Variants in TRPM4 observed in about 807,000 individuals in gnomAD.
TRPM4 encodes the protein calcium-activated non-selective cation channel 1.
Under a neutral mutation model 135.6 loss-of-function variants are expected in TRPM4, and 124 were observed. That is an observed-to-expected ratio of 0.91 (90% CI 0.79 to 1.06). The LOEUF (loss-of-function observed/expected upper bound fraction) is 1.06. Among genes scored for constraint, TRPM4 ranks in the 50% least tolerant of loss-of-function variants. The probability of loss-of-function intolerance (pLI) is 0.00; values close to 1 mark genes in which losing one functional copy is unlikely to be tolerated. For synonymous variants in TRPM4, 745 were observed against 705.6 expected (o/e 1.06, Z -0.88); for missense variants, 1,658 against 1,671.4 (o/e 0.99, Z 0.14).
intron 20 of TRPM4, among the ~76,000 whole-genome samples, chr19:49,204,455 C>G (rs890622643): frequency 1.3e-5 from 2 of 152,022 alleles, no homozygotes; most frequent in Non-Finnish European, 2.9e-5. Flanking sequence ...AGTCATCCAG[C>G]TGGGTGTAGT....
Position 49,158,269 on chromosome 19 carries a change from T to C in TRPM4, c.92+10T>C. 1 of 1,613,270 alleles carries C rather than the reference T, an allele frequency of 6.2e-7. No homozygotes were observed. The highest frequency in any genetic ancestry group is 1.3e-5 in the African/African-American group (1 of 74,926). On this transcript the variant is annotated intron_variant, in intron 2 of 24. Coordinates refer to ENST00000252826, the MANE Select transcript of TRPM4 (RefSeq NM_017636.4). ...ACTCCACAGATCCGGGGTGAGGAGT[T>C]CGCCCCTGGACTGACCCCAGAGGGT...
At chr19:49,172,482 G>A (rs11083964) in intron 9 of TRPM4, among the ~76,000 whole-genome samples, 47,677 of 148,356 alleles carry the variant, frequency 0.32, 6,801 homozygotes, top group South Asian at 0.4. Flanking sequence ...AATTCCATCC[G>A]CTCATTCCTC....
chr19:49,165,454 C>T (rs1365975718), intron 2 of TRPM4, among the ~76,000 whole-genome samples: 1 of 152,098 alleles, frequency 6.6e-6, no homozygotes, highest in African/African-American at 2.4e-5. Context: ...TTTTAAGCTC[C>T]GTGTGAAGTT....
chr19:49,175,418 A>G (rs1034490307), intron 9 of TRPM4, among the ~76,000 whole-genome samples: 1 of 151,900 alleles, frequency 6.6e-6, no homozygotes, highest in African/African-American at 2.4e-5. Context: ...TATGTTGCCC[A>G]GGCTGGTCTC....
rs747048335 is a variant in TRPM4 at position 49,166,132 on chromosome 19, G to A, written c.184G>A (p.Asp62Asn). The A allele has an allele frequency of 3.4e-5, 55 of 1,607,190 alleles. No homozygotes were observed. The South Asian group carries it at 4.7e-4, about 14-fold the overall frequency. ...CGGGGCAGCCGTGGTGACCGTGTGGGACAGCGATGCACACACCACGGAGAA... is the reference window on the plus strand; with the variant it reads ...CGGGGCAGCCGTGGTGACCGTGTGGAACAGCGATGCACACACCACGGAGAA... ...AFGAAVVTVW[D>N]SDAHTTEKPT... Residue 62 changes from aspartate (D) to asparagine (N), a missense_variant, in exon 3 of 25, where the codon GAC becomes AAC. Around this residue, in one of 3 missense-constraint regions of TRPM4, gnomAD observed 239 missense variants for 240.1 expected, o/e 1.00. Coordinates refer to ENST00000252826, the MANE Select transcript of TRPM4 (RefSeq NM_017636.4).
At position 49,200,317 on chromosome 19, in the gene TRPM4, AC is replaced by A. The variant is rs777047595; in HGVS notation, c.2665del (p.His889ThrfsTer35). Reference sequence around the variant, plus strand: ...CACCCCAGGCTGACCCCGGGTTTGTACCACCTGGGCCGCACTGTCCTCTGCA... The same window carrying A: ...CACCCCAGGCTGACCCCGGGTTTGTACACCTGGGCCGCACTGTCCTCTGCA... ...GVGCRLTPGL[Y>X]HLGRTVLCID... On this transcript the variant is annotated frameshift_variant, in exon 18 of 25. Transcript: ENST00000252826. LOFTEE classifies it high-confidence loss of function. 1.6e-4 allele frequency: 265 copies of A among 1,613,962 alleles called. No individual in the cohort carries two copies. Among genetic ancestry groups the A allele is most frequent in the Middle Eastern group, 1.2e-3 (7 of 6,062 alleles).
In TRPM4 at chr19:49,171,687, G is replaced by T. The variant is rs1967463394; in HGVS notation, c.968G>T (p.Ser323Ile). Reference sequence around the variant, plus strand: ...CTGGAAGACACTCTGGCCCCAGGGAGTGGGGGAGCCAGGCAAGGCGAAGCC... The same window carrying T: ...CTGGAAGACACTCTGGCCCCAGGGATTGGGGGAGCCAGGCAAGGCGAAGCC... Reference protein sequence around the residue: ...ETLEDTLAPGSGGARQGEARD... With the variant: ...ETLEDTLAPGIGGARQGEARD... The change falls in exon 8 of 25, where the codon AGT (serine) becomes ATT (isoleucine). Residue 323 changes from serine to isoleucine, a missense_variant. Coordinates refer to ENST00000252826, the MANE Select transcript of TRPM4 (RefSeq NM_017636.4). The surrounding 1 kb of genome is among the most constrained non-coding windows in gnomAD (Gnocchi z 4.7). The T allele has an allele frequency of 6.2e-7, 1 of 1,613,966 alleles. No individual in the cohort carries two copies. Among genetic ancestry groups the T allele is most frequent in the African/African-American group, 1.3e-5 (1 of 74,926 alleles).
At chr19:49,192,923 A>G (rs1389750343) in intron 16 of TRPM4, among the ~76,000 whole-genome samples, 1 of 152,074 alleles carries the variant, frequency 6.6e-6, no homozygotes. Flanking sequence ...AGGTTGATAG[A>G]AGGCCCCAGT....
At chr19:49,164,834 G>A (rs1967113606) in intron 2 of TRPM4, among the ~76,000 whole-genome samples, 1 of 151,848 alleles carries the variant, frequency 6.6e-6, no homozygotes, top group Non-Finnish European at 1.5e-5. Context: ...GATCTCCCAG[G>A]CTGAAGTGAT....
rs190365616 is a variant in TRPM4 at position 49,183,274 on chromosome 19, C to T, written c.1743+62C>T. 2.7e-4 allele frequency: 433 copies of T among 1,608,402 alleles called. 5 individuals carry two copies. In the African/African-American group the frequency reaches 5.4e-3, roughly 20 times the overall value. ...TTAGGCCACTGGATGCCAGTGTTCC[C>T]GAAACAATTACCATACAATTCCCCG... On this transcript the variant is annotated intron_variant, in intron 12 of 24. Transcript: ENST00000252826.
intron 3 of TRPM4, chr19:49,167,556 CGT>C (rs1967261092): frequency 3.5e-6 from 1 of 284,200 alleles, no homozygotes; most frequent in African/African-American, 2.9e-5. Flanking sequence ...TCTCTGTCCC[CGT>C]CTCTCTGGGT....
intron 16 of TRPM4, among the ~76,000 whole-genome samples, chr19:49,192,763 C>T (rs1405278739): frequency 6.6e-6 from 1 of 151,938 alleles, no homozygotes; most frequent in African/African-American, 2.4e-5. Context: ...ATAATCTGTA[C>T]AACAAACCCC....
chr19:49,161,479 T>C (rs944777192), intron 2 of TRPM4, among the ~76,000 whole-genome samples: 23 of 151,138 alleles, frequency 1.5e-4, no homozygotes, highest in African/African-American at 5.1e-4. Flanking sequence ...TGCACCACCA[T>C]GCCTGGCTAA....
intron 16 of TRPM4, among the ~76,000 whole-genome samples, chr19:49,192,525 G>A (rs1219193400): frequency 6.6e-6 from 1 of 152,128 alleles, no homozygotes; most frequent in Non-Finnish European, 1.5e-5. Flanking sequence ...CATTTCCTTT[G>A]CAGTGACATG....
intron 18 of TRPM4, 65 bp from the exon 19 acceptor site, chr19:49,200,546 T>A: frequency 6.3e-7 from 1 of 1,598,940 alleles, no homozygotes; most frequent in Non-Finnish European, 8.5e-7. Flanking sequence ...GGCGTGTTTT[T>A]GGGATATAGG....
chr19:49,201,854 C>T, intron 19 of TRPM4, 110 bp from the exon 20 acceptor site: 1 of 1,129,862 alleles, frequency 8.9e-7, no homozygotes, highest in Non-Finnish European at 1.3e-6. Flanking sequence ...GCCATCTCAG[C>T]CTCCCAAAAG....
chr19:49,209,195 ATG>A lies in TRPM4; in HGVS notation c.3132-1012_3132-1011del, dbSNP rs111609860. The stretch of plus-strand genomic sequence containing the variant: ...GCTTGTATTTTTTCAGGATGTTTAC[ATG>A]TATATTCATAAGGGCTACTGCTCTG... On this transcript the variant is annotated intron_variant, in intron 20 of 24. Coordinates refer to ENST00000252826, the MANE Select transcript of TRPM4 (RefSeq NM_017636.4). Among the ~76,000 whole-genome samples the A allele has an allele frequency of 6.6e-3, 1,011 of 152,266 alleles. 13 individuals are homozygous for A. The highest frequency in any genetic ancestry group is 0.023 in the African/African-American group (962 of 41,560).
chr19:49,199,801 A>T (rs1448266373), intron 17 of TRPM4, among the ~76,000 whole-genome samples: 1 of 152,012 alleles, frequency 6.6e-6, no homozygotes, highest in Non-Finnish European at 1.5e-5. Context: ...GTCTGTCCAT[A>T]CACTAGGTTT....
chr19:49,182,376 C>G, intron 10 of TRPM4: 1 of 633,586 alleles, frequency 1.6e-6, no homozygotes, highest in South Asian at 1.8e-5. Context: ...ATCCATCCAT[C>G]CATCCATCCA....
Sources: gnomAD v4.1 joint callset for allele counts (sites outside exome capture counted in the v4.1 genomes callset) on GRCh38, gnomAD v4.1.1 for gene constraint, gnomAD v4.1.1 regional missense constraint, Gnocchi (gnomAD v3.1) non-coding constraint, MANE v1.5 for transcripts, NCBI Gene and HGNC (gene_info 2026-07-23, HGNC 2026-07-21) for gene names.